PDE1A: variants seen among roughly 807,000 people sequenced by gnomAD.
PDE1A encodes the protein phosphodiesterase 1A.
PDE1A carries 35 observed loss-of-function variants against 61.7 expected under a neutral mutation model. That is an observed-to-expected ratio of 0.57 (90% confidence interval 0.43 to 0.75). The LOEUF is 0.75. PDE1A is among the 30% of genes least tolerant of loss of function. PDE1A has a pLI of 0.00. For synonymous variants in PDE1A, 232 were observed against 213.2 expected, an observed-to-expected ratio of 1.09 and a Z score of -0.77; for missense variants, 597 against 630.6, an observed-to-expected ratio of 0.95 and a Z score of 0.57.
At chr2:182,425,054 T>C (rs1016216709) in intron 1 of PDE1A, among the ~76,000 whole-genome samples, 2 of 152,228 alleles carry the variant, frequency 1.3e-5, no homozygotes, top group Admixed American at 6.5e-5. Context: ...CCATAGCACC[T>C]AAGCATATAA....
chr2:182,559,984 G>C, the PDE1A span, among the ~76,000 whole-genome samples: 2 of 151,960 alleles, frequency 1.3e-5, no homozygotes, highest in Non-Finnish European at 2.9e-5. Flanking sequence ...CCAGTGACTG[G>C]AAGGTAGTTT....
In PDE1A at chr2:182,384,830, C is replaced by T. The variant is rs115407820; in HGVS notation, c.53+41748G>A. On this transcript the variant is annotated intron_variant, in intron 1 of 13. Coordinates refer to ENST00000351439, the Ensembl canonical transcript of PDE1A. The stretch of plus-strand genomic sequence containing the variant: ...GAAATACAGAAAGGTCAAATATCTC[C>T]AATCAAATTCAATTCAAATAAGACT... Among the ~76,000 whole-genome samples, 791 of 152,126 alleles carry T rather than the reference C, an allele frequency of 5.2e-3. 5 individuals are homozygous for T. Among genetic ancestry groups the T allele is most frequent in the African/African-American group, 0.018 (762 of 41,506 alleles).
chr2:182,558,668 T>C, the PDE1A span, among the ~76,000 whole-genome samples: 32 of 152,348 alleles, frequency 2.1e-4, no homozygotes, highest in Non-Finnish European at 3.4e-4. Flanking sequence ...AGTTCTTTCA[T>C]AGTGCATGAC....
chr2:182,256,686 A>G (rs1691844306), intron 2 of PDE1A, among the ~76,000 whole-genome samples: 1 of 152,218 alleles, frequency 6.6e-6, no homozygotes, highest in South Asian at 2.1e-4. Context: ...GCAGCCATAA[A>G]AGGATGACTT....
At chr2:182,628,633 T>C in the PDE1A span, among the ~76,000 whole-genome samples, 1 of 152,150 alleles carries the variant, frequency 6.6e-6, no homozygotes, top group Non-Finnish European at 1.5e-5. Context: ...TTACTAATGG[T>C]CTGAGGTGTA....
chr2:182,527,323 AAAAAATATATATATAT>A (rs1690789703), upstream of PDE1A, among the ~76,000 whole-genome samples: 2 of 41,076 alleles, frequency 4.9e-5, no homozygotes, highest in Non-Finnish European at 8.6e-5. Flanking sequence ...AAAAAAAAAA[AAAAAATATATATATAT>A]ATATATATAT....
At chr2:182,714,188 A>T in the PDE1A span, among the ~76,000 whole-genome samples, 1 of 152,220 alleles carries the variant, frequency 6.6e-6, no homozygotes, top group African/African-American at 2.4e-5. Context: ...TGGAGCCATA[A>T]CAGTAAATAA....
chr2:182,704,335 T>A, the PDE1A span, among the ~76,000 whole-genome samples: 1 of 152,132 alleles, frequency 6.6e-6, no homozygotes, highest in African/African-American at 2.4e-5. Flanking sequence ...CTGCAGCTAT[T>A]CAGGGCTCTG....
At chr2:182,351,678 C>T (rs1458545304) in intron 1 of PDE1A, among the ~76,000 whole-genome samples, 1 of 152,174 alleles carries the variant, frequency 6.6e-6, no homozygotes, top group Non-Finnish European at 1.5e-5. Flanking sequence ...TTTACCGTGA[C>T]ATTTGTGATC....
At chr2:182,558,975 C>T in the PDE1A span, among the ~76,000 whole-genome samples, 1 of 152,102 alleles carries the variant, frequency 6.6e-6, no homozygotes, top group African/African-American at 2.4e-5. Context: ...TTGATCATCG[C>T]TAATATCAAA....
chr2:182,605,600 G>C, the PDE1A span, among the ~76,000 whole-genome samples: 1 of 152,168 alleles, frequency 6.6e-6, no homozygotes, highest in Non-Finnish European at 1.5e-5. Context: ...ATTTAAGTTT[G>C]CTTGTTTCCA....
chr2:182,201,400 T>C (rs1686617303), intron 10 of PDE1A, 39 bp downstream of exon 10: 2 of 1,610,106 alleles, frequency 1.2e-6, no homozygotes, highest in Non-Finnish European at 1.7e-6. Flanking sequence ...GCACAGTCAC[T>C]ATTTCCAAAA....
chr2:182,226,533 G>C (rs1029553803), intron 6 of PDE1A, among the ~76,000 whole-genome samples: 5 of 149,722 alleles, frequency 3.3e-5, no homozygotes, highest in Non-Finnish European at 5.9e-5. Flanking sequence ...CTGATTGTTA[G>C]TTCCTTAGCT....
chr2:182,684,180 C>T, the PDE1A span, among the ~76,000 whole-genome samples: 2 of 149,072 alleles, frequency 1.3e-5, no homozygotes, highest in African/African-American at 2.5e-5. Context: ...TTTTGTAATA[C>T]CTAAAAAAAA....
At chr2:182,681,208 T>G in the PDE1A span, among the ~76,000 whole-genome samples, 3 of 152,004 alleles carry the variant, frequency 2.0e-5, no homozygotes, top group Admixed American at 2.0e-4. Flanking sequence ...AGATACATTT[T>G]CAATAACAGC....
intron 2 of PDE1A, among the ~76,000 whole-genome samples, chr2:182,508,030 T>C (rs543879063): frequency 1.1e-3 from 167 of 152,146 alleles, no homozygotes; most frequent in Middle Eastern, 3.4e-3. Flanking sequence ...AGCATTCTTA[T>C]GTGCTTAAGT....
chr2:182,158,651 C>T (rs765336185), intron 13 of PDE1A, among the ~76,000 whole-genome samples: 9 of 152,142 alleles, frequency 5.9e-5, no homozygotes, highest in African/African-American at 9.7e-5. Context: ...TTTCCTGACA[C>T]GAATCAAAAT....
chr2:182,606,533 C>T, the PDE1A span, among the ~76,000 whole-genome samples: 94,953 of 152,018 alleles, frequency 0.62, 29,890 homozygotes, highest in Admixed American at 0.73. Flanking sequence ...ATTCATTCAA[C>T]TATTTAACAA....
chr2:182,165,100 T>A (rs557910929), downstream of PDE1A, among the ~76,000 whole-genome samples: 1 of 152,272 alleles, frequency 6.6e-6, no homozygotes, highest in South Asian at 2.1e-4. Context: ...TCCAGAAGGT[T>A]GTATATGTTC....
Sources: gnomAD v4.1 joint callset for allele counts (sites outside exome capture counted in the v4.1 genomes callset) on GRCh38, gnomAD v4.1.1 for gene constraint, MANE v1.5 for transcripts, NCBI Gene and HGNC (gene_info 2026-07-23, HGNC 2026-07-21) for gene names.